ZRANB1: variants seen among roughly 807,000 people sequenced by gnomAD.
The protein encoded by ZRANB1 is zinc finger RANBP2-type containing 1.
Under a neutral mutation model 80.5 loss-of-function variants are expected in ZRANB1, and 16 were observed. The ratio of observed to expected loss-of-function variants is 0.20; its 90% CI spans 0.13 to 0.30. The LOEUF (loss-of-function observed/expected upper bound fraction) is 0.30, where lower values mean the gene tolerates loss of function less well. Among genes scored for constraint, ZRANB1 ranks in the 10% least tolerant of loss-of-function variants. ZRANB1 has a pLI of 1.00. For synonymous variants in ZRANB1, 291 were observed against 293.1 expected, an observed-to-expected ratio of 0.99 and a Z score of 0.07; for missense variants, 576 against 862.6, an observed-to-expected ratio of 0.67 and a Z score of 4.16.
At chr10:124,935,125 A>G in the ZRANB1 span, among the ~76,000 whole-genome samples, 54 of 152,240 alleles carry the variant, frequency 3.5e-4, no homozygotes, top group Non-Finnish European at 5.7e-4. Context: ...CGTGGATTCA[A>G]TTACATGTTA....
chr10:124,969,576 CTT>C (rs1951804069), intron 2 of ZRANB1, among the ~76,000 whole-genome samples: 1 of 152,038 alleles, frequency 6.6e-6, no homozygotes, highest in Admixed American at 6.5e-5. Flanking sequence ...TTTCATGAAA[CTT>C]ATGGACTCCT....
At chr10:124,935,246 G>A in the ZRANB1 span, among the ~76,000 whole-genome samples, 1 of 152,182 alleles carries the variant, frequency 6.6e-6, no homozygotes, top group African/African-American at 2.4e-5. Flanking sequence ...CCTAACTGGT[G>A]TGTTATGAAA....
intron 3 of ZRANB1, among the ~76,000 whole-genome samples, chr10:124,973,319 A>AT (rs946014115): frequency 1.2e-4 from 18 of 151,818 alleles, no homozygotes; most frequent in African/African-American, 4.4e-4. Context: ...TGTCTGATTA[A>AT]TTTTTGTATA....
intron 1 of ZRANB1, among the ~76,000 whole-genome samples, chr10:124,953,943 CCTT>C (rs1279050937): frequency 6.6e-6 from 1 of 151,250 alleles, no homozygotes; most frequent in African/African-American, 2.4e-5. Context: ...GATTTAGTGT[CCTT>C]TTTTTTTTTC....
chr10:124,965,330 C>G (rs111272548), intron 1 of ZRANB1, among the ~76,000 whole-genome samples: 4,555 of 152,148 alleles, frequency 0.03, 214 homozygotes, highest in African/African-American at 0.1. Flanking sequence ...GTGTTCGGGG[C>G]AGGGGGTCAT....
At chr10:124,917,966 C>T in the ZRANB1 span, among the ~76,000 whole-genome samples, 41 of 152,194 alleles carry the variant, frequency 2.7e-4, no homozygotes, top group Non-Finnish European at 4.3e-4. Flanking sequence ...TTAGGTTAAG[C>T]CTGGAAGTTT....
intron 5 of ZRANB1, 83 bp downstream of exon 5, chr10:124,974,481 C>A: frequency 7.1e-7 from 1 of 1,406,202 alleles, no homozygotes; most frequent in South Asian, 1.2e-5. Context: ...CTTTTTATGT[C>A]AGTTATATTT....
At chr10:124,968,827 A>G (rs1951797449) in intron 2 of ZRANB1, among the ~76,000 whole-genome samples, 1 of 152,196 alleles carries the variant, frequency 6.6e-6, no homozygotes, top group African/African-American at 2.4e-5. Context: ...TAACAGTGGG[A>G]TGATGATCGA....
upstream of ZRANB1, chr10:124,940,528 G>A (rs1027763152): frequency 3.9e-6 from 5 of 1,289,294 alleles, no homozygotes; most frequent in Non-Finnish European, 5.1e-6. Flanking sequence ...GGAGGTTATA[G>A]CGTGGGAACT....
chr10:124,984,166 G>A (rs751668640), intron 8 of ZRANB1, among the ~76,000 whole-genome samples: 2 of 152,140 alleles, frequency 1.3e-5, no homozygotes, highest in Non-Finnish European at 2.9e-5. Context: ...CCAATGGCCA[G>A]TTTACCCAGA....
the ZRANB1 span, among the ~76,000 whole-genome samples, chr10:124,933,255 G>A: frequency 6.7e-6 from 1 of 150,016 alleles, no homozygotes; most frequent in Non-Finnish European, 1.5e-5. Flanking sequence ...TCCTGCCTCA[G>A]CCTCCTGAGT....
intron 1 of ZRANB1, among the ~76,000 whole-genome samples, chr10:124,956,661 G>A (rs749930075): frequency 2.0e-5 from 3 of 152,006 alleles, no homozygotes; most frequent in Non-Finnish European, 4.4e-5. Context: ...TAGTAATGGC[G>A]GGGTTTCACC....
rs1951955238 is a variant in ZRANB1, at chr10:124,983,118, C to T, written c.1549-57C>T. The T allele has an allele frequency of 1.3e-6, 2 of 1,555,296 alleles. No individual in the cohort carries two copies. The highest frequency in any genetic ancestry group is 1.9e-5 in the Admixed American group (1 of 51,798). On this transcript the variant is annotated intron_variant, in intron 6 of 8. Transcript: ENST00000359653. This position sits in a 1 kb window ranked among gnomAD's most constrained non-coding sequence, Gnocchi z 6.2. Reference sequence around the variant, plus strand: ...AGGGGAGGTAGTATTGTTTTTTACACATCAGTTTTCCAGGAGTGGTAATAA... The same window carrying T: ...AGGGGAGGTAGTATTGTTTTTTACATATCAGTTTTCCAGGAGTGGTAATAA...
At chr10:124,960,736 T>C (rs1216805398) in intron 1 of ZRANB1, among the ~76,000 whole-genome samples, 2 of 152,132 alleles carry the variant, frequency 1.3e-5, no homozygotes, top group African/African-American at 4.8e-5. Context: ...TTTCCACTTT[T>C]AAAATGTTCA....
At position 124,987,913 on chromosome 10, in the gene ZRANB1, AT is replaced by A. The variant is rs2134028569; in HGVS notation, c.*2922del. 1 of 152,572 alleles carries A rather than the reference AT, an allele frequency of 6.6e-6. No homozygotes were observed. The highest frequency in any genetic ancestry group is 2.4e-5 in the African/African-American group (1 of 41,594). The allele number at this position is 152,572 out of a possible 1,614,324, so 9.5% of individuals were successfully genotyped here. A position where few individuals can be genotyped will look rare whatever the true frequency, so the allele number is the denominator to read the frequency against. ...ATCCATTAAATCAAGCTCTTAACTC[AT>A]GGGACTATTTGCAACACTTCTTTGT... On this transcript the variant is annotated 3_prime_UTR_variant, in exon 9 of 9. Transcript: ENST00000359653.
intron 2 of ZRANB1, 122 bp downstream of exon 2, chr10:124,966,903 C>T: frequency 1.1e-6 from 1 of 911,904 alleles, no homozygotes; most frequent in Non-Finnish European, 1.6e-6. Context: ...CTTTTACCCC[C>T]TTTTAAAAAT....
chr10:124,922,326 G>GTAAAATATATATATATA, the ZRANB1 span, among the ~76,000 whole-genome samples: 44 of 25,620 alleles, frequency 1.7e-3, no homozygotes, highest in South Asian at 7.1e-3. Flanking sequence ...TAAAATATAT[G>GTAAAATATATATATATA]TATATATATA....
chr10:124,972,163 A>G (rs764407410), intron 3 of ZRANB1, 45 bp downstream of exon 3: 4 of 1,584,170 alleles, frequency 2.5e-6, no homozygotes, highest in Non-Finnish European at 3.4e-6. Flanking sequence ...ATTTTATTAT[A>G]GTTACATTTG....
the ZRANB1 span, among the ~76,000 whole-genome samples, chr10:124,923,623 G>A: frequency 3.3e-5 from 5 of 151,930 alleles, no homozygotes; most frequent in African/African-American, 7.3e-5. Flanking sequence ...AAGAAAAGGG[G>A]TTTAACTGAC....
Sources: allele counts gnomAD v4.1 joint callset (sites outside exome capture counted in the v4.1 genomes callset), GRCh38; gene constraint gnomAD v4.1.1; non-coding constraint Gnocchi (gnomAD v3.1); transcripts MANE v1.5; gene names NCBI Gene and HGNC (gene_info 2026-07-23, HGNC 2026-07-21).